Variants in MAU2 observed in about 807,000 individuals in gnomAD.
MAU2 encodes the protein MAU2 sister chromatid cohesion factor.
A neutral mutation model predicts 89.1 loss-of-function variants in MAU2; 9 were observed. That is an observed-to-expected ratio of 0.10 (90% CI 0.06 to 0.18). The LOEUF is 0.18. MAU2 is among the 10% of genes least tolerant of loss of function. The probability of loss-of-function intolerance (pLI) is 1.00; values close to 1 mark genes in which losing one functional copy is unlikely to be tolerated. For synonymous variants in MAU2, 357 were observed against 343.4 expected (o/e 1.04, Z -0.44); for missense variants, 425 against 803.5 (o/e 0.53, Z 5.69).
intron 1 of MAU2, among the ~76,000 whole-genome samples, chr19:19,327,038 C>T (rs998589440): frequency 4.0e-5 from 6 of 151,192 alleles, no homozygotes; most frequent in African/African-American, 7.3e-5. Context: ...TCTTAAACTC[C>T]GGGCCTCAAG....
intron 1 of MAU2, 151 bp downstream of exon 1, chr19:19,321,286 C>T (rs936531668): frequency 4.2e-5 from 41 of 965,788 alleles, no homozygotes; most frequent in Non-Finnish European, 5.6e-5. Context: ...CCGCCTCTGC[C>T]GGACCCCAAA....
chr19:19,336,299 GT>G, intron 3 of MAU2, 112 bp downstream of exon 3: 4 of 748,744 alleles, frequency 5.3e-6, no homozygotes, highest in Non-Finnish European at 6.7e-6. Context: ...GGCTTTTTTT[GT>G]TTTTTTGGTC....
At chr19:19,326,706 A>ATATATATATGCACATATATATATGTG (rs2061508815) in intron 1 of MAU2, among the ~76,000 whole-genome samples, 7 of 86,972 alleles carry the variant, frequency 8.0e-5, no homozygotes. Context: ...ATATATGTAT[A>ATATATATATGCACATATATATATGTG]TATATATATA....
intron 16 of MAU2, chr19:19,354,114 G>A (rs1290562796): frequency 1.8e-6 from 1 of 557,088 alleles, no homozygotes; most frequent in Non-Finnish European, 3.2e-6. Context: ...TTGTCCATTG[G>A]CCATGCCCCT....
Position 19,348,952 on chromosome 19 carries a change from G to A in MAU2, c.1358+14G>A, listed in dbSNP as rs1375777975. On this transcript the variant is annotated intron_variant, in intron 14 of 18. Transcript: ENST00000262815. ...CTTCCCTGTCAGGTGAGCCGCTCCA[G>A]GCACCACTCCACGCACGGCCTAGGC... 3 of 1,612,948 alleles carry A rather than the reference G, an allele frequency of 1.9e-6. No homozygotes were observed. Among genetic ancestry groups the A allele is most frequent in the Admixed American group, 1.7e-5 (1 of 59,922 alleles).
At chr19:19,343,965 G>C (rs1211701468) in intron 10 of MAU2, 25 bp downstream of exon 10, 1 of 1,582,488 alleles carries the variant, frequency 6.3e-7, no homozygotes, top group Non-Finnish European at 8.6e-7. Context: ...AGGAGGGGCG[G>C]GAAGGCCCAG....
At chr19:19,323,938 G>A (rs899387921) in intron 1 of MAU2, among the ~76,000 whole-genome samples, 6 of 152,218 alleles carry the variant, frequency 3.9e-5, no homozygotes, top group African/African-American at 1.4e-4. Context: ...CAGGTTACAT[G>A]CCAAGATGAT....
At chr19:19,326,724 A>ATATATATG (rs1568648764) in intron 1 of MAU2, among the ~76,000 whole-genome samples, 18 of 129,714 alleles carry the variant, frequency 1.4e-4, no homozygotes, top group East Asian at 2.2e-4. Flanking sequence ...ATATATACAT[A>ATATATATG]TATATATATA....
intron 7 of MAU2, among the ~76,000 whole-genome samples, 197 bp from the exon 8 acceptor site, chr19:19,342,338 G>A (rs992074807): frequency 1.3e-5 from 2 of 152,196 alleles, no homozygotes; most frequent in African/African-American, 2.4e-5. Context: ...ACAGCTGCCC[G>A]CCTGGCTGTG....
intron 5 of MAU2, among the ~76,000 whole-genome samples, chr19:19,339,988 AC>A (rs1269122533): frequency 6.6e-6 from 1 of 151,252 alleles, no homozygotes; most frequent in Non-Finnish European, 1.5e-5. Context: ...GAATGGTGAA[AC>A]CCCGTCTCTA....
intron 1 of MAU2, among the ~76,000 whole-genome samples, chr19:19,332,583 C>G (rs1344434574): frequency 9.2e-6 from 1 of 108,430 alleles, no homozygotes; most frequent in Non-Finnish European, 2.2e-5. Context: ...CTGACACCCA[C>G]TGACGCTAGT....
intron 12 of MAU2, among the ~76,000 whole-genome samples, chr19:19,346,108 C>CGGCACCCCGCAGGCCTGTGGGTGCT (rs1483005147): frequency 6.6e-6 from 1 of 151,966 alleles, no homozygotes; most frequent in Non-Finnish European, 1.5e-5. Flanking sequence ...TCCCATTCCA[C>CGGCACCCCGCAGGCCTGTGGGTGCT]GGCACCCCGC....
chr19:19,331,738 T>A (rs2061557221), intron 1 of MAU2, among the ~76,000 whole-genome samples: 2 of 150,200 alleles, frequency 1.3e-5, no homozygotes, highest in African/African-American at 4.9e-5. Context: ...CTTCCCTGTC[T>A]CTACAAAAAA....
intron 17 of MAU2, among the ~76,000 whole-genome samples, chr19:19,354,807 G>A (rs574932800): frequency 2.0e-5 from 3 of 152,284 alleles, no homozygotes; most frequent in Admixed American, 6.5e-5. Flanking sequence ...AGCAGGGCGG[G>A]CACTCAGCGG....
chr19:19,332,326 A>T (rs1358033553), intron 1 of MAU2, among the ~76,000 whole-genome samples: 52 of 101,948 alleles, frequency 5.1e-4, no homozygotes, highest in East Asian at 3.0e-3. Flanking sequence ...TGCCTGGCTG[A>T]TTTTTTTTTT....
intron 9 of MAU2, 150 bp from the exon 10 acceptor site, chr19:19,343,687 C>A: frequency 1.5e-6 from 1 of 661,572 alleles, no homozygotes; most frequent in Non-Finnish European, 2.7e-6. Flanking sequence ...CACTCCTTCA[C>A]TCAGAGGGTG....
At chr19:19,332,340 T>TTTG in intron 1 of MAU2, among the ~76,000 whole-genome samples, 1 of 150,478 alleles carries the variant, frequency 6.6e-6, no homozygotes, top group South Asian at 2.1e-4. Context: ...TTTTTTTTTT[T>TTTG]TTTTTTTTTT....
At position 19,321,091 on chromosome 19, in the gene MAU2, C is replaced by A. The variant is rs369371593; in HGVS notation, c.232C>A (p.His78Asn). The A allele has an allele frequency of 1.6e-5, 25 of 1,609,658 alleles. No homozygotes were observed. The highest frequency in any genetic ancestry group is 2.1e-5 in the Non-Finnish European group (25 of 1,178,498). ...GCAGCTGGGCTCCGTTCTCTATCACCACACCAAGAACAGCGAGCAGGCGCG... is the reference window on the plus strand; with the variant it reads ...GCAGCTGGGCTCCGTTCTCTATCACAACACCAAGAACAGCGAGCAGGCGCG... ...HLQLGSVLYH[H>N]TKNSEQARSH... The change falls in exon 1 of 19, where the codon CAC becomes AAC. Residue 78 changes from histidine (H) to asparagine (N), a missense_variant. By Grantham distance (68) the His-to-Asn change is moderately conservative. This residue lies in a region of MAU2 where 57 missense variants were observed against 57.5 expected (regional missense o/e 0.99). Transcript: ENST00000262815.
chr19:19,351,458 G>A (rs1037171260), intron 16 of MAU2, among the ~76,000 whole-genome samples: 9 of 148,854 alleles, frequency 6.0e-5, no homozygotes, highest in South Asian at 2.2e-4. Context: ...TCATTTGAGC[G>A]CAGGAATTCA....
Sources: gnomAD v4.1 joint callset for allele counts (sites outside exome capture counted in the v4.1 genomes callset) on GRCh38, gnomAD v4.1.1 for gene constraint, gnomAD v4.1.1 regional missense constraint, MANE v1.5 for transcripts, NCBI Gene and HGNC (gene_info 2026-07-23, HGNC 2026-07-21) for gene names.